LRIG1: variants seen among roughly 807,000 people sequenced by gnomAD.
LRIG1 encodes leucine rich repeats and immunoglobulin like domains 1.
Under a neutral mutation model 99.2 loss-of-function variants are expected in LRIG1, and 48 were observed. The observed-to-expected ratio is 0.48, with a 90% confidence interval of 0.38 to 0.62. The LOEUF (loss-of-function observed/expected upper bound fraction) is 0.62, where lower values mean the gene tolerates loss of function less well. Ranked by LOEUF, LRIG1 falls within the 20% of genes least tolerant of loss-of-function variation. The pLI, the probability that LRIG1 is intolerant of heterozygous loss-of-function variation, is 0.00. For synonymous variants in LRIG1, 772 were observed against 596.1 expected (o/e 1.29, Z -4.30); for missense variants, 1,646 against 1,434.4 (o/e 1.15, Z -2.38).
At chr3:66,485,939 G>A (rs1456438492) in intron 1 of LRIG1, among the ~76,000 whole-genome samples, 4 of 152,318 alleles carry the variant, frequency 2.6e-5, no homozygotes, top group Non-Finnish European at 1.5e-5. Flanking sequence ...ATTCAGAGAC[G>A]TCAAAGGGAG....
At chr3:66,437,513 C>T (rs923236373) in intron 3 of LRIG1, among the ~76,000 whole-genome samples, 3 of 152,164 alleles carry the variant, frequency 2.0e-5, no homozygotes, top group African/African-American at 7.2e-5. Flanking sequence ...TGGAGAGCCA[C>T]GCCCTCCAGC....
intron 1 of LRIG1, among the ~76,000 whole-genome samples, chr3:66,493,972 GAAAGAGAA>G (rs1701170214): frequency 1.4e-5 from 2 of 141,602 alleles, no homozygotes; most frequent in African/African-American, 5.1e-5. Context: ...AAAAAGAAAA[GAAAGAGAA>G]AAAGAGAAAG....
Position 66,380,713 on chromosome 3 carries a change from C to T in LRIG1, c.2919G>A (p.Glu973=), listed in dbSNP as rs914535127. The change falls in exon 18 of 19, where the codon GAG becomes GAA. Residue 973 remains glutamate, a synonymous_variant. Coordinates refer to ENST00000273261, the MANE Select transcript of LRIG1 (RefSeq NM_015541.3). ...TGCTGCACTGGTGATGTGGAGAATG[C>T]TCTTGGTCACTCCCACCCGGCTCCG... ...NGPEPGGSDQ[E]HSPHHQCSRT... is the part of the protein sequence containing the mutation. 4 of 1,614,072 alleles carry T rather than the reference C, an allele frequency of 2.5e-6. No homozygotes were observed. The highest frequency in any genetic ancestry group is 3.3e-5 in the Admixed American group (2 of 60,008).
chr3:66,418,824 G>C (rs144282421), intron 3 of LRIG1, among the ~76,000 whole-genome samples: 1 of 151,642 alleles, frequency 6.6e-6, no homozygotes. Flanking sequence ...TTTTTCATGC[G>C]TCTCCCAGGC....
In LRIG1 at chr3:66,380,690, C is replaced by T. The variant is rs1209804036; in HGVS notation, c.2942G>A (p.Ser981Asn). ...DQEHSPHHQCSRTAAGSCPEC... is the reference protein window; with the variant it reads ...DQEHSPHHQCNRTAAGSCPEC... ...GGGGCAGGACCCAGCGGCAGTCCTG[C>T]TGCACTGGTGATGTGGAGAATGCTC... The change falls in exon 18 of 19, where the codon AGC becomes AAC. Residue 981 changes from serine (S) to asparagine (N), a missense_variant. Ser to Asn is a conservative substitution (Grantham distance 46, BLOSUM62 1). Transcript: ENST00000273261. The T allele has an allele frequency of 8.1e-6, 13 of 1,614,092 alleles. No homozygotes were observed. Among genetic ancestry groups the T allele is most frequent in the Non-Finnish European group, 5.9e-6 (7 of 1,180,048 alleles).
chr3:66,495,285 G>T (rs759742368), intron 1 of LRIG1, among the ~76,000 whole-genome samples: 1 of 152,006 alleles, frequency 6.6e-6, no homozygotes, highest in African/African-American at 2.4e-5. Flanking sequence ...TCCTCCACCC[G>T]TCCTCCCTCC....
intron 2 of LRIG1, among the ~76,000 whole-genome samples, chr3:66,455,368 C>A (rs930455186): frequency 2.0e-5 from 3 of 152,244 alleles, no homozygotes; most frequent in African/African-American, 7.2e-5. Flanking sequence ...ATCCTCTGGT[C>A]TGCCTCCAAA....
Position 66,500,698 on chromosome 3 carries a change from G to A in LRIG1, c.-291C>T, listed in dbSNP as rs2106952260. 1 of 234,502 alleles carries A rather than the reference G, an allele frequency of 4.3e-6. No homozygotes were observed. The highest frequency in any genetic ancestry group is 8.2e-6 in the Non-Finnish European group (1 of 121,706). 14.5% of individuals were successfully genotyped at this position (234,502 alleles called of 1,614,324 possible). Reference sequence around the variant, plus strand: ...GATTCGGGCAAGGTGTACCCAGCCTGCGCTCTTCGTCCGCCCGGGGCACGC... The same window carrying A: ...GATTCGGGCAAGGTGTACCCAGCCTACGCTCTTCGTCCGCCCGGGGCACGC... On this transcript the variant is annotated 5_prime_UTR_variant, in exon 1 of 19. Transcript: ENST00000273261.
intron 3 of LRIG1, among the ~76,000 whole-genome samples, chr3:66,423,290 G>C (rs2106717850): frequency 6.6e-6 from 1 of 152,286 alleles, no homozygotes; most frequent in Admixed American, 6.5e-5. Flanking sequence ...TTAAAACAAG[G>C]CCAGGCACGG....
chr3:66,457,069 T>G (rs1380895902), intron 2 of LRIG1, among the ~76,000 whole-genome samples: 2 of 152,078 alleles, frequency 1.3e-5, no homozygotes, highest in East Asian at 1.9e-4. Context: ...TGATGTCATG[T>G]GGTTCTGAGG....
intron 12 of LRIG1, among the ~76,000 whole-genome samples, chr3:66,390,578 A>C (rs778787156): frequency 1.3e-5 from 2 of 152,206 alleles, no homozygotes; most frequent in Non-Finnish European, 2.9e-5. Flanking sequence ...CCCACATCCC[A>C]CTTTCCTTTA....
chr3:66,386,091 G>C lies in LRIG1; in HGVS notation c.1679C>G (p.Thr560Ser). 6.2e-7 allele frequency: 1 copy of C among 1,614,174 alleles called. No individual in the cohort carries two copies. The highest frequency in any genetic ancestry group is 1.1e-5 in the South Asian group (1 of 91,086). The change falls in exon 13 of 19, where the codon ACC becomes AGC. Residue 560 changes from threonine to serine, a missense_variant. By Grantham distance (58) the Thr-to-Ser change is moderately conservative (BLOSUM62 1). Coordinates refer to ENST00000273261, the MANE Select transcript of LRIG1 (RefSeq NM_015541.3). ...AQDGEVMEYT[T>S]ILHLRQVTFG... ...AGTGACCTGACGGAGGTGCAGGATG[G>C]TGGTGTACTCCATCACTTCCCCGTC...
At chr3:66,407,268 G>T in intron 8 of LRIG1, 80 bp downstream of exon 8, 3 of 1,496,364 alleles carry the variant, frequency 2.0e-6, no homozygotes, top group Non-Finnish European at 2.8e-6. Context: ...CGCAAATGGA[G>T]TTCAACAAAG....
Position 66,410,110 on chromosome 3 carries a change from C to T in LRIG1, c.935+19G>A, listed in dbSNP as rs373388610. The T allele has an allele frequency of 1.2e-6, 2 of 1,600,640 alleles. No individual in the cohort carries two copies. The highest frequency in any genetic ancestry group is 2.7e-5 in the African/African-American group (2 of 74,606). On this transcript the variant is annotated intron_variant, in intron 7 of 18. Coordinates refer to ENST00000273261, the MANE Select transcript of LRIG1 (RefSeq NM_015541.3). ...AGTGTCTAAAAACACTGCCACAGCC[C>T]AGAGCCGAGGACACTTACAACTCAT...
At position 66,379,331 on chromosome 3, in the gene LRIG1, C is replaced by T. The variant is rs553897605; in HGVS notation, c.*932G>A. 26 of 152,546 alleles carry T rather than the reference C, an allele frequency of 1.7e-4. No individual in the cohort carries two copies. Among genetic ancestry groups the T allele is most frequent in the African/African-American group, 6.3e-4 (26 of 41,530 alleles). The allele number at this position is 152,546 out of a possible 1,614,324, so 9.4% of individuals were successfully genotyped here. A position where few individuals can be genotyped will look rare whatever the true frequency, so the allele number is the denominator to read the frequency against. On this transcript the variant is annotated 3_prime_UTR_variant, in exon 19 of 19. Transcript: ENST00000273261. ...AGGTAGCCCTGAAAAGTCAGAACTT[C>T]CTCCTTTCTGTCCCCCAAGGCCAAT...
chr3:66,418,170 C>T (rs1477065844), intron 3 of LRIG1, among the ~76,000 whole-genome samples: 2 of 152,176 alleles, frequency 1.3e-5, no homozygotes, highest in Non-Finnish European at 2.9e-5. Context: ...TGGCTCACTG[C>T]AACCTCCGCC....
At chr3:66,400,882 C>T (rs762876680) in intron 9 of LRIG1, among the ~76,000 whole-genome samples, 1 of 152,166 alleles carries the variant, frequency 6.6e-6, no homozygotes, top group Admixed American at 6.5e-5. Context: ...CTCCTGGAAA[C>T]ACAGGCTCAC....
chr3:66,409,096 A>G (rs1303611389), intron 7 of LRIG1, among the ~76,000 whole-genome samples: 2 of 152,104 alleles, frequency 1.3e-5, no homozygotes, highest in African/African-American at 4.8e-5. Flanking sequence ...TGGTGAGGTC[A>G]AGAGAGAGAC....
chr3:66,434,313 G>C (rs1477922558), intron 3 of LRIG1, among the ~76,000 whole-genome samples: 1 of 152,118 alleles, frequency 6.6e-6, no homozygotes, highest in Non-Finnish European at 1.5e-5. Flanking sequence ...GGCATGAATG[G>C]ACATTTTACC....
Sources: allele counts gnomAD v4.1 joint callset (sites outside exome capture counted in the v4.1 genomes callset), GRCh38; gene constraint gnomAD v4.1.1; transcripts MANE v1.5; gene names NCBI Gene and HGNC (gene_info 2026-07-23, HGNC 2026-07-21).